Variants in EXOC4 observed in about 807,000 individuals in gnomAD.
EXOC4 encodes the protein SEC8-like 1.
Under a neutral mutation model 107.2 loss-of-function variants are expected in EXOC4, and 71 were observed. The ratio of observed to expected loss-of-function variants is 0.66; its 90% CI spans 0.55 to 0.81. EXOC4 has a LOEUF of 0.81. Among genes scored for constraint, EXOC4 ranks in the 30% least tolerant of loss-of-function variants. The pLI is 0.00. For missense variants in EXOC4, 1,108 were observed against 1,189.6 expected, an observed-to-expected ratio of 0.93 and a Z score of 1.01; for synonymous variants, 456 against 441.2, an observed-to-expected ratio of 1.03 and a Z score of -0.42.
intron 11 of EXOC4, among the ~76,000 whole-genome samples, chr7:133,823,150 T>C (rs981745137): frequency 1.3e-5 from 2 of 152,164 alleles, no homozygotes; most frequent in Non-Finnish European, 2.9e-5. Flanking sequence ...AATCTTGAAA[T>C]GTTTAGAGCA....
intron 17 of EXOC4, among the ~76,000 whole-genome samples, chr7:134,016,764 G>A (rs1469672935): frequency 6.6e-6 from 1 of 152,130 alleles, no homozygotes; most frequent in African/African-American, 2.4e-5. Context: ...CTGTTGCACC[G>A]GGAACATTAC....
chr7:133,432,464 TA>T (rs1563063676), intron 7 of EXOC4, among the ~76,000 whole-genome samples: 1 of 152,174 alleles, frequency 6.6e-6, no homozygotes, highest in Non-Finnish European at 1.5e-5. Flanking sequence ...TGGACCTTCT[TA>T]AGAAAATTTT....
intron 5 of EXOC4, among the ~76,000 whole-genome samples, chr7:133,326,004 C>T (rs548114969): frequency 4.3e-4 from 66 of 152,334 alleles, no homozygotes; most frequent in African/African-American, 1.4e-3. Flanking sequence ...TTGATCAAAT[C>T]GGCTACTGAA....
chr7:133,550,580 G>A (rs17167141), intron 9 of EXOC4, among the ~76,000 whole-genome samples: 14,720 of 152,206 alleles, frequency 0.097, 835 homozygotes, highest in East Asian at 0.2. Flanking sequence ...ACCACCAACA[G>A]TATTATAAGT....
chr7:133,657,765 A>G (rs1400607457), intron 10 of EXOC4, among the ~76,000 whole-genome samples: 1 of 152,184 alleles, frequency 6.6e-6, no homozygotes, highest in Admixed American at 6.6e-5. Flanking sequence ...TAAATCTTAT[A>G]GAATTGGCTC....
At chr7:134,036,216 T>A (rs555595146) in intron 17 of EXOC4, among the ~76,000 whole-genome samples, 264 of 152,304 alleles carry the variant, frequency 1.7e-3, no homozygotes, top group African/African-American at 6.2e-3. Flanking sequence ...GGTGACTTTC[T>A]AGTTTCCTTG....
intron 11 of EXOC4, among the ~76,000 whole-genome samples, chr7:133,850,170 T>G (rs1585196772): frequency 6.6e-6 from 1 of 152,172 alleles, no homozygotes; most frequent in East Asian, 1.9e-4. Context: ...AATTGAAAAT[T>G]TTTCTCTGGG....
chr7:133,519,530 C>T (rs1799942948), intron 9 of EXOC4, among the ~76,000 whole-genome samples: 1 of 152,026 alleles, frequency 6.6e-6, no homozygotes, highest in South Asian at 2.1e-4. Context: ...ACTACAGCCT[C>T]AAACATGTAA....
chr7:134,004,997 C>T lies in EXOC4; in HGVS notation c.2434C>T (p.Pro812Ser). 1 of 1,613,502 alleles carries T rather than the reference C, an allele frequency of 6.2e-7. No homozygotes were observed. Among genetic ancestry groups the T allele is most frequent in the Non-Finnish European group, 8.5e-7 (1 of 1,179,644 alleles). ...TAATGTGGAAAGTATGGATTATGAC[C>T]CCCTGGTGGTCAAGCTCAACAAAGA... ...VANVESMDYDPLVVKLNKDIS... is the reference protein window; with the variant it reads ...VANVESMDYDSLVVKLNKDIS... Residue 812 changes from proline to serine, a missense_variant, in exon 16 of 18, where the codon CCC (proline) becomes TCC (serine). Transcript: ENST00000253861.
At chr7:133,838,989 T>TCTA (rs1797971638) in intron 11 of EXOC4, among the ~76,000 whole-genome samples, 1 of 152,216 alleles carries the variant, frequency 6.6e-6, no homozygotes, top group South Asian at 2.1e-4. Context: ...CATCCATATG[T>TCTA]CTACATGGGA....
intron 11 of EXOC4, among the ~76,000 whole-genome samples, chr7:133,836,793 A>C (rs780569767): frequency 6.6e-6 from 1 of 152,076 alleles, no homozygotes; most frequent in Non-Finnish European, 1.5e-5. Context: ...CCTCAACCGC[A>C]AGTCCTTGAG....
At chr7:133,452,819 T>C (rs1422014262) in intron 7 of EXOC4, among the ~76,000 whole-genome samples, 1 of 152,040 alleles carries the variant, frequency 6.6e-6, no homozygotes, top group Non-Finnish European at 1.5e-5. Context: ...GAACAACATA[T>C]GGACATTTGA....
At position 133,323,346 on chromosome 7, in the gene EXOC4, G is replaced by A. The variant is rs373679121; in HGVS notation, c.763+5956G>A. 3.3e-5 allele frequency among the ~76,000 whole-genome samples: 5 copies of A among 152,196 alleles called. No individual in the cohort carries two copies. In the East Asian group the frequency reaches 5.8e-4, roughly 18 times the overall value. ...CCATTCAGTATGATATTGGCTGTGG[G>A]TTTGTCATAAATAGCTCTTACTATT... is the stretch of plus-strand genomic sequence containing the variant. On this transcript the variant is annotated intron_variant, in intron 5 of 17. Coordinates refer to ENST00000253861, the MANE Select transcript of EXOC4 (RefSeq NM_021807.4).
chr7:133,455,130 G>A (rs1474779552), intron 7 of EXOC4, among the ~76,000 whole-genome samples: 1 of 151,920 alleles, frequency 6.6e-6, no homozygotes, highest in Non-Finnish European at 1.5e-5. Context: ...TTATAAATTA[G>A]AGTGAGAAAT....
intron 17 of EXOC4, among the ~76,000 whole-genome samples, chr7:134,043,272 C>T (rs1795565675): frequency 6.6e-6 from 1 of 152,128 alleles, no homozygotes; most frequent in African/African-American, 2.4e-5. Flanking sequence ...TGTGCTGTCA[C>T]ACAGCACATA....
intron 10 of EXOC4, among the ~76,000 whole-genome samples, chr7:133,643,837 ACAGT>A (rs1432024506): frequency 6.6e-6 from 1 of 152,260 alleles, no homozygotes; most frequent in Non-Finnish European, 1.5e-5. Flanking sequence ...CATGATAATT[ACAGT>A]CCTCATTTCT....
intron 7 of EXOC4, among the ~76,000 whole-genome samples, chr7:133,376,968 A>G (rs1584866520): frequency 6.6e-6 from 1 of 152,238 alleles, no homozygotes; most frequent in South Asian, 2.1e-4. Context: ...AGCACCTGCA[A>G]TGTCTAGCAT....
At chr7:133,502,145 T>C (rs1413154913) in intron 9 of EXOC4, among the ~76,000 whole-genome samples, 1 of 150,566 alleles carries the variant, frequency 6.6e-6, no homozygotes, top group African/African-American at 2.4e-5. Flanking sequence ...AAAGTGGGAG[T>C]GGGGGAGTGT....
At chr7:133,397,473 C>G (rs1796997546) in intron 7 of EXOC4, among the ~76,000 whole-genome samples, 1 of 151,988 alleles carries the variant, frequency 6.6e-6, no homozygotes, top group Admixed American at 6.6e-5. Context: ...TTGCAGTCTC[C>G]TTAACTGAAT....
Sources: allele counts gnomAD v4.1 joint callset (sites outside exome capture counted in the v4.1 genomes callset), GRCh38; gene constraint gnomAD v4.1.1; transcripts MANE v1.5; gene names NCBI Gene and HGNC (gene_info 2026-07-23, HGNC 2026-07-21).